NME8: variants seen among roughly 807,000 people sequenced by gnomAD.
The protein encoded by NME8 is protein NME8.
In NME8, 72 loss-of-function variants were observed where a neutral mutation model predicts 82.3. The observed-to-expected ratio is 0.87, with a 90% CI of 0.72 to 1.06. The LOEUF (loss-of-function observed/expected upper bound fraction) is 1.06. Ranked by LOEUF, NME8 falls within the 50% of genes least tolerant of loss-of-function variation. The probability of loss-of-function intolerance (pLI) is 0.00; values close to 1 mark genes in which losing one functional copy is unlikely to be tolerated. For missense variants in NME8, 712 were observed against 685.4 expected (o/e 1.04, Z -0.43); for synonymous variants, 267 against 228.5 (o/e 1.17, Z -1.52).
intron 12 of NME8, among the ~76,000 whole-genome samples, chr7:37,878,508 G>A (rs1014628050): frequency 3.9e-5 from 6 of 152,302 alleles, no homozygotes; most frequent in African/African-American, 1.2e-4. Context: ...ACGAGATAGT[G>A]TAGAATTTGA....
intron 12 of NME8, among the ~76,000 whole-genome samples, chr7:37,881,533 T>C (rs1173471899): frequency 6.6e-6 from 1 of 152,210 alleles, no homozygotes; most frequent in Non-Finnish European, 1.5e-5. Context: ...AATTTTTTTA[T>C]ACATTGTTAA....
chr7:37,879,887 T>A (rs1190386029), intron 12 of NME8, among the ~76,000 whole-genome samples: 3 of 152,344 alleles, frequency 2.0e-5, no homozygotes, highest in African/African-American at 7.2e-5. Context: ...GGAGTTTAGT[T>A]ACATTAATAG....
rs79330780 is a variant in NME8 at position 37,858,274 on chromosome 7, T to C, written c.270+929T>C. On this transcript the variant is annotated intron_variant, in intron 6 of 17. Transcript: ENST00000199447. ...TTATTTTTGATATTAGAAATACTCA[T>C]TAAAAACACATCTTGGATATAACTT... is the stretch of plus-strand genomic sequence containing the variant. Among the ~76,000 whole-genome samples the C allele has an allele frequency of 5.1e-3, 775 of 152,284 alleles. 24 individuals are homozygous for C. The East Asian group carries it at 0.076, about 15-fold the overall frequency.
In NME8 at chr7:37,882,733, T is replaced by G. The variant is rs540676590; in HGVS notation, c.995-1570T>G. ...TTTTTTTATGCATCAGGTTATTCCA[T>G]GAAACTTCTATGCAATTGCTAGACA... On this transcript the variant is annotated intron_variant, in intron 12 of 17. Transcript: ENST00000199447. Among the ~76,000 whole-genome samples, 3 of 152,252 alleles carry G rather than the reference T, an allele frequency of 2.0e-5. No individual in the cohort carries two copies. In the East Asian group the frequency reaches 5.8e-4, roughly 29 times the overall value.
chr7:37,850,603 AT>A (rs1562826814), intron 4 of NME8, 25 bp from the exon 5 acceptor site: 3 of 1,568,578 alleles, frequency 1.9e-6, no homozygotes, highest in Non-Finnish European at 2.6e-6. Context: ...AGACTTTGTT[AT>A]TTCATAAATA....
chr7:37,872,521 C>G (rs190114067), intron 11 of NME8, among the ~76,000 whole-genome samples: 4 of 152,302 alleles, frequency 2.6e-5, no homozygotes, highest in Middle Eastern at 3.4e-3. Context: ...GATTCAATTG[C>G]TAGGTATACA....
intron 5 of NME8, among the ~76,000 whole-genome samples, chr7:37,851,735 T>A (rs1324448916): frequency 1.3e-5 from 2 of 152,110 alleles, no homozygotes; most frequent in Non-Finnish European, 2.9e-5. Flanking sequence ...TTATATTATA[T>A]AGAAAAGCTC....
intron 12 of NME8, among the ~76,000 whole-genome samples, chr7:37,882,324 T>C (rs1425396682): frequency 6.6e-6 from 1 of 151,678 alleles, no homozygotes; most frequent in African/African-American, 2.4e-5. Context: ...TCATCTCTAC[T>C]AAAAATAGAA....
chr7:37,860,806 C>T (rs1337518446), intron 6 of NME8, among the ~76,000 whole-genome samples: 2 of 152,200 alleles, frequency 1.3e-5, no homozygotes, highest in African/African-American at 4.8e-5. Flanking sequence ...TCTTCCTCCC[C>T]ACAAAACACA....
At chr7:37,868,018 C>G in intron 11 of NME8, 120 bp downstream of exon 11, 1 of 804,004 alleles carries the variant, frequency 1.2e-6, no homozygotes, top group Non-Finnish European at 2.1e-6. Flanking sequence ...AGTATTTCTT[C>G]CAGTCAACCT....
rs763234222 is a variant in NME8, at chr7:37,897,062, T to C, written c.1737T>C (p.Asn579=). 4 of 1,613,262 alleles carry C rather than the reference T, an allele frequency of 2.5e-6. No individual in the cohort carries two copies. The highest frequency in any genetic ancestry group is 4.5e-5 in the East Asian group (2 of 44,876). The change falls in exon 17 of 18, where the codon AAT becomes AAC. Residue 579 remains asparagine (N), a synonymous_variant. Coordinates refer to ENST00000199447, the MANE Select transcript of NME8 (RefSeq NM_016616.5). ...SNAYEAKEVV[N]RLFEDPEEN is the part of the protein sequence containing the mutation. ...CCTATGAAGCAAAAGAGGTTGTTAA[T>C]AGACTCTTTGAGGATCCTGAGGAAA...
intron 1 of NME8, 24 bp downstream of exon 1, chr7:37,848,752 G>A (rs4723713): frequency 0.36 from 54,627 of 152,176 alleles, 11,187 homozygotes; most frequent in Non-Finnish European, 0.46. Flanking sequence ...CTGGAGCAGG[G>A]GCCTCGAGAC....
chr7:37,893,808 G>A (rs1785173661), intron 15 of NME8, among the ~76,000 whole-genome samples: 2 of 152,126 alleles, frequency 1.3e-5, no homozygotes. Flanking sequence ...TTTCTGCAGT[G>A]CCTGTCTTAG....
Position 37,864,399 on chromosome 7 carries a change from A to G in NME8, c.506A>G (p.Lys169Arg). The change falls in exon 9 of 18, where the codon AAA becomes AGA. Residue 169 changes from lysine to arginine, a missense_variant. Coordinates refer to ENST00000199447, the MANE Select transcript of NME8 (RefSeq NM_016616.5). Reference protein sequence around the residue: ...IIKPDAVISKKVLEIKRKITK... With the variant: ...IIKPDAVISKRVLEIKRKITK... ...AAACCGGATGCTGTGATTAGTAAAAAAGTTCTAGAAATTAAAAGAAAAGTA... is the reference window on the plus strand; with the variant it reads ...AAACCGGATGCTGTGATTAGTAAAAGAGTTCTAGAAATTAAAAGAAAAGTA... The G allele has an allele frequency of 6.3e-7, 1 of 1,584,926 alleles. No individual in the cohort carries two copies. The highest frequency in any genetic ancestry group is 8.6e-7 in the Non-Finnish European group (1 of 1,157,220).
chr7:37,850,794 C>T, intron 5 of NME8, 59 bp downstream of exon 5: 1 of 1,054,398 alleles, frequency 9.5e-7, no homozygotes, highest in Non-Finnish European at 1.5e-6. Flanking sequence ...TTTTAAGTAT[C>T]CTCTAATACT....
chr7:37,867,611 G>A lies in NME8; in HGVS notation c.622-91G>A, dbSNP rs1784706357. ...TCCTTTGCCCAGGGACCATGGAGAG[G>A]GAAGATTTCATTTGACTTGGGTAGT... On this transcript the variant is annotated intron_variant, in intron 10 of 17. Coordinates refer to ENST00000199447, the MANE Select transcript of NME8 (RefSeq NM_016616.5). 38 of 882,876 alleles carry A rather than the reference G, an allele frequency of 4.3e-5. No individual in the cohort carries two copies. The South Asian group carries it at 5.1e-4, about 12-fold the overall frequency. The allele number at this position is 882,876 out of a possible 1,614,324, so 54.7% of individuals were successfully genotyped here.
chr7:37,882,744 T>C (rs1310294381), intron 12 of NME8, among the ~76,000 whole-genome samples: 1 of 152,212 alleles, frequency 6.6e-6, no homozygotes, highest in Non-Finnish European at 1.5e-5. Context: ...GAAACTTCTA[T>C]GCAATTGCTA....
chr7:37,862,021 C>G lies in NME8; in HGVS notation c.271-7C>G, dbSNP rs376999057. ...AAGTTCCCCTCCTGTTTTCATTTCC[C>G]TTATAGAATGGCAAAATTATCGAAA... On this transcript the variant is annotated splice_region_variant and splice_polypyrimidine_tract_variant and intron_variant, in intron 6 of 17. Coordinates refer to ENST00000199447, the MANE Select transcript of NME8 (RefSeq NM_016616.5). 12 of 1,596,092 alleles carry G rather than the reference C, an allele frequency of 7.5e-6. No homozygotes were observed. Among genetic ancestry groups the G allele is most frequent in the Non-Finnish European group, 9.5e-6 (11 of 1,163,736 alleles).
In NME8 at chr7:37,894,450, T is replaced by C. The variant is rs1225285022; in HGVS notation, c.1400-16T>C. ...TGAAGCAATCTGCAATATTATCAAA[T>C]ATTTGTTTTTCTTAGAGCAGATCCT... is the stretch of plus-strand genomic sequence containing the variant. On this transcript the variant is annotated splice_polypyrimidine_tract_variant and intron_variant, in intron 15 of 17. Coordinates refer to ENST00000199447, the MANE Select transcript of NME8 (RefSeq NM_016616.5). 6.2e-7 allele frequency: 1 copy of C among 1,610,900 alleles called. No individual in the cohort carries two copies.
Sources: gnomAD v4.1 joint callset for allele counts (sites outside exome capture counted in the v4.1 genomes callset) on GRCh38, gnomAD v4.1.1 for gene constraint, MANE v1.5 for transcripts, NCBI Gene and HGNC (gene_info 2026-07-23, HGNC 2026-07-21) for gene names.